Variants in DLG2 observed in about 807,000 individuals in gnomAD.
DLG2 encodes discs large MAGUK scaffold protein 2, also known as disks large homolog 2.
In DLG2, 45 loss-of-function variants were observed where a neutral mutation model predicts 132.5. The observed-to-expected ratio is 0.34, with a 90% CI of 0.27 to 0.44. The LOEUF is 0.44. DLG2 is among the 20% of genes least tolerant of loss of function. DLG2 has a pLI of 1.00. For synonymous variants in DLG2, 424 were observed against 419.6 expected (o/e 1.01, Z -0.13); for missense variants, 1,045 against 1,196.9 (o/e 0.87, Z 1.87).
intron 6 of DLG2, among the ~76,000 whole-genome samples, chr11:84,630,791 T>G (rs1425890355): frequency 6.6e-6 from 1 of 151,946 alleles, no homozygotes; most frequent in Non-Finnish European, 1.5e-5. Context: ...AAACAGGGAG[T>G]GAAGAAAGCT....
intron 7 of DLG2, among the ~76,000 whole-genome samples, chr11:84,321,015 A>T (rs1390620321): frequency 6.6e-6 from 1 of 152,228 alleles, no homozygotes; most frequent in Non-Finnish European, 1.5e-5. Flanking sequence ...TAAAAAGGTA[A>T]TAATCACTTA....
chr11:84,071,359 C>A (rs2096753853), intron 10 of DLG2, among the ~76,000 whole-genome samples: 1 of 152,106 alleles, frequency 6.6e-6, no homozygotes, highest in Non-Finnish European at 1.5e-5. Flanking sequence ...CCCACCTCAG[C>A]CTCCCAAAGT....
chr11:84,608,175 G>T (rs1315530919), intron 6 of DLG2, among the ~76,000 whole-genome samples: 1 of 152,182 alleles, frequency 6.6e-6, no homozygotes, highest in African/African-American at 2.4e-5. Context: ...AGAGCACCTA[G>T]CAAAGGCCCT....
At chr11:84,998,446 G>A (rs1039002962) in intron 6 of DLG2, among the ~76,000 whole-genome samples, 2 of 152,120 alleles carry the variant, frequency 1.3e-5, no homozygotes, top group African/African-American at 4.8e-5. Flanking sequence ...GCAGAACTGT[G>A]AGTCAATTAA....
At chr11:83,903,947 G>A (rs1245588266) in intron 15 of DLG2, among the ~76,000 whole-genome samples, 1 of 152,088 alleles carries the variant, frequency 6.6e-6, no homozygotes, top group Non-Finnish European at 1.5e-5. Flanking sequence ...GATAAAACTT[G>A]ATTTATAAAT....
intron 8 of DLG2, among the ~76,000 whole-genome samples, chr11:84,189,549 T>C (rs1038670769): frequency 2.0e-5 from 3 of 152,052 alleles, no homozygotes; most frequent in Admixed American, 6.6e-5. Flanking sequence ...CTATTTACAA[T>C]AGCAAAGACA....
intron 6 of DLG2, among the ~76,000 whole-genome samples, chr11:85,103,443 G>T (rs1358543543): frequency 6.6e-6 from 1 of 151,872 alleles, no homozygotes; most frequent in Non-Finnish European, 1.5e-5. Flanking sequence ...GTCCATAAAT[G>T]GACACTTATA....
chr11:84,520,016 T>C (rs1464439281), intron 7 of DLG2, among the ~76,000 whole-genome samples: 1 of 152,200 alleles, frequency 6.6e-6, no homozygotes, highest in Non-Finnish European at 1.5e-5. Context: ...AAAATACTAT[T>C]CAACATTCTC....
At chr11:83,803,666 A>G (rs936715080) in intron 17 of DLG2, among the ~76,000 whole-genome samples, 34 of 152,300 alleles carry the variant, frequency 2.2e-4, no homozygotes, top group African/African-American at 8.2e-4. Flanking sequence ...TTTAGTTTAC[A>G]TAAACTAATC....
At chr11:84,799,465 A>T (rs1183637475) in intron 6 of DLG2, among the ~76,000 whole-genome samples, 1 of 152,176 alleles carries the variant, frequency 6.6e-6, no homozygotes, top group Non-Finnish European at 1.5e-5. Context: ...GTAATATAAA[A>T]TTAAAACCAG....
chr11:85,515,397 C>A (rs1187119509), intron 3 of DLG2, among the ~76,000 whole-genome samples: 1 of 151,850 alleles, frequency 6.6e-6, no homozygotes, highest in Non-Finnish European at 1.5e-5. Flanking sequence ...GTCAAGCAGA[C>A]CTGATTGAAT....
At chr11:85,613,791 C>T (rs1027671507) in intron 2 of DLG2, among the ~76,000 whole-genome samples, 1 of 152,202 alleles carries the variant, frequency 6.6e-6, no homozygotes, top group African/African-American at 2.4e-5. Flanking sequence ...TCCCCTTCCA[C>T]GCTGTAGAAG....
intron 18 of DLG2, among the ~76,000 whole-genome samples, chr11:83,743,635 T>C (rs193036470): frequency 5.2e-4 from 79 of 152,138 alleles, no homozygotes; most frequent in Admixed American, 4.3e-3. Context: ...CATTTCACTA[T>C]GTTGCCCAGG....
chr11:85,066,989 T>C (rs2065027060), intron 6 of DLG2, among the ~76,000 whole-genome samples: 1 of 151,734 alleles, frequency 6.6e-6, no homozygotes, highest in Non-Finnish European at 1.5e-5. Context: ...GGAAGTCAAA[T>C]TTTTCTGTTC....
chr11:84,368,475 C>T (rs986400276), intron 7 of DLG2, among the ~76,000 whole-genome samples: 3 of 152,030 alleles, frequency 2.0e-5, no homozygotes, highest in Non-Finnish European at 4.4e-5. Context: ...CTCAAACCAT[C>T]TACTAGATCA....
intron 19 of DLG2, among the ~76,000 whole-genome samples, chr11:83,608,000 T>C (rs960576292): frequency 7.2e-5 from 11 of 152,072 alleles, no homozygotes; most frequent in Admixed American, 5.2e-4. Context: ...AAATGGGGCA[T>C]GAGGACGTCT....
intron 7 of DLG2, among the ~76,000 whole-genome samples, chr11:84,475,185 T>C (rs745772221): frequency 1.3e-5 from 2 of 152,178 alleles, no homozygotes; most frequent in African/African-American, 2.4e-5. Context: ...AGATAAGACA[T>C]GTGACGTCTG....
intron 4 of DLG2, among the ~76,000 whole-genome samples, chr11:85,183,374 C>G (rs940951842): frequency 2.0e-5 from 3 of 151,856 alleles, no homozygotes; most frequent in Non-Finnish European, 4.4e-5. Flanking sequence ...TATATTACCT[C>G]TAATGCTAAT....
intron 10 of DLG2, among the ~76,000 whole-genome samples, chr11:84,067,640 C>T (rs528482827): frequency 6.6e-6 from 1 of 151,944 alleles, no homozygotes; most frequent in Non-Finnish European, 1.5e-5. Flanking sequence ...AATACATATA[C>T]TTAATTATGT....
Sources: allele counts gnomAD v4.1 joint callset (sites outside exome capture counted in the v4.1 genomes callset), GRCh38; gene constraint gnomAD v4.1.1; transcripts MANE v1.5; gene names NCBI Gene and HGNC (gene_info 2026-07-23, HGNC 2026-07-21).